Variants in BCAR1 observed in about 807,000 individuals in gnomAD.
BCAR1 encodes the protein BCAR1 scaffold protein, Cas family member, also known as breast cancer anti-estrogen resistance protein 1.
Under a neutral mutation model 67.6 loss-of-function variants are expected in BCAR1, and 30 were observed. That is an observed-to-expected ratio of 0.44 (90% CI 0.33 to 0.60). The LOEUF is 0.60. BCAR1 is among the 20% of genes least tolerant of loss of function. BCAR1 has a pLI of 0.02. For missense variants in BCAR1, 1,313 were observed against 1,222.3 expected, an observed-to-expected ratio of 1.07 and a Z score of -1.11; for synonymous variants, 626 against 556.7, an observed-to-expected ratio of 1.12 and a Z score of -1.75.
intron 1 of BCAR1, among the ~76,000 whole-genome samples, chr16:75,261,010 A>T (rs1288868484): frequency 6.6e-6 from 1 of 152,210 alleles, no homozygotes; most frequent in East Asian, 1.9e-4. Context: ...ATAATAAATT[A>T]AAATGACTGA....
At chr16:75,237,742 C>T (rs2077191673) in intron 2 of BCAR1, among the ~76,000 whole-genome samples, 2 of 152,202 alleles carry the variant, frequency 1.3e-5, no homozygotes, top group South Asian at 4.1e-4. Context: ...CCTAGCCCCA[C>T]AGGACAAGAG....
intron 1 of BCAR1, chr16:75,248,143 G>C (rs1313415007): frequency 7.5e-6 from 12 of 1,593,634 alleles, no homozygotes; most frequent in South Asian, 5.6e-5. Flanking sequence ...GCCGACCCCA[G>C]GCTGAGACAC....
rs2076818442 is a variant in BCAR1, at chr16:75,229,559, G to A, written c.2565C>T (p.His855=). Reference sequence around the variant, plus strand: ...GGACGCGGCGGAACTGCTGGGTGCTGTGGCCCAGCTCCTTGACCCTCTCCA... The same window carrying A: ...GGACGCGGCGGAACTGCTGGGTGCTATGGCCCAGCTCCTTGACCCTCTCCA... ...DMVERVKELG[H]STQQFRRVLG... Residue 855 remains histidine (H), a synonymous_variant, in exon 7 of 7, where the codon CAC becomes CAT. Coordinates refer to ENST00000162330, the MANE Select transcript of BCAR1 (RefSeq NM_014567.5). The A allele has an allele frequency of 6.2e-7, 1 of 1,606,184 alleles. No individual in the cohort carries two copies. Among genetic ancestry groups the A allele is most frequent in the Non-Finnish European group, 8.5e-7 (1 of 1,177,182 alleles).
chr16:75,235,048 C>A lies in BCAR1; in HGVS notation c.1851G>T (p.Gly617=), dbSNP rs199823639. The change falls in exon 5 of 7, where the codon GGG becomes GGT. Residue 617 remains glycine, a synonymous_variant. Coordinates refer to ENST00000162330, the MANE Select transcript of BCAR1 (RefSeq NM_014567.5). ...RTKATAPGPE[G]GGTLHPNPTD... Reference sequence around the variant, plus strand: ...TGGGGTTGGGGTGCAGGGTGCCACCCCCCTCAGGCCCCGGGGCAGTGGCCT... The same window carrying A: ...TGGGGTTGGGGTGCAGGGTGCCACCACCCTCAGGCCCCGGGGCAGTGGCCT... The A allele has an allele frequency of 9.3e-6, 15 of 1,613,220 alleles. No homozygotes were observed. Among genetic ancestry groups the A allele is most frequent in the Non-Finnish European group, 1.2e-5 (14 of 1,180,000 alleles).
At chr16:75,252,352 C>A, upstream of BCAR1, 4 of 1,529,028 alleles carry the variant, frequency 2.6e-6, no homozygotes, top group South Asian at 4.8e-5. Flanking sequence ...CCTCCTGAGT[C>A]CTGCTCCAAC....
rs2077059153 is a variant in BCAR1 at position 75,235,120 on chromosome 16, C to G, written c.1779G>C (p.Leu593=). The G allele has an allele frequency of 1.2e-6, 2 of 1,610,916 alleles. No homozygotes were observed. Among genetic ancestry groups the G allele is most frequent in the Non-Finnish European group, 1.7e-6 (2 of 1,179,998 alleles). Reference sequence around the variant, plus strand: ...AGGCATTGCCGTGCAGGAAGGAGGCCAGCTGCTTGGCGTCCTCGGGCACAG... The same window carrying G: ...AGGCATTGCCGTGCAGGAAGGAGGCGAGCTGCTTGGCGTCCTCGGGCACAG... ...SRAVPEDAKQ[L]ASFLHGNASL... is the part of the protein sequence containing the mutation. Residue 593 remains leucine, a synonymous_variant, in exon 5 of 7, where the codon CTG becomes CTC. Coordinates refer to ENST00000162330, the MANE Select transcript of BCAR1 (RefSeq NM_014567.5).
rs970824658 is a variant in BCAR1 at position 75,228,689 on chromosome 16, A to G, written c.*822T>C. On this transcript the variant is annotated 3_prime_UTR_variant, in exon 7 of 7. Coordinates refer to ENST00000162330, the MANE Select transcript of BCAR1 (RefSeq NM_014567.5). The stretch of plus-strand genomic sequence containing the variant: ...CTGCCCCAATCTGCCCTCACTCCAG[A>G]TGCCAGCTGTGGGCATGGGCAGGTG... 6.6e-6 allele frequency: 1 copy of G among 152,330 alleles called. No homozygotes were observed. Among genetic ancestry groups the G allele is most frequent in the African/African-American group, 2.4e-5 (1 of 41,456 alleles). The allele number at this position is 152,330 out of a possible 1,614,324, so 9.4% of individuals were successfully genotyped here. A position where few individuals can be genotyped will look rare whatever the true frequency, so the allele number is the denominator to read the frequency against.
In BCAR1 at chr16:75,251,561, G is replaced by A. The variant is rs2077680350; in HGVS notation, c.-79C>T. ...CCGGGCCGCGTGCCCTCGGGGCTCCGAGCGCGCCGCAGCCGCCCCGGTGCC... is the reference window on the plus strand; with the variant it reads ...CCGGGCCGCGTGCCCTCGGGGCTCCAAGCGCGCCGCAGCCGCCCCGGTGCC... On this transcript the variant is annotated 5_prime_UTR_variant, in exon 1 of 7. Coordinates refer to ENST00000162330, the MANE Select transcript of BCAR1 (RefSeq NM_014567.5). 1.8e-6 allele frequency: 2 copies of A among 1,129,388 alleles called. No homozygotes were observed. The highest frequency in any genetic ancestry group is 4.6e-5 in the East Asian group (1 of 21,868). 70.0% of individuals were successfully genotyped at this position (1,129,388 alleles called of 1,614,324 possible). A position where few individuals can be genotyped will look rare whatever the true frequency, so the allele number is the denominator to read the frequency against.
chr16:75,254,645 G>A (rs928840824), upstream of BCAR1, among the ~76,000 whole-genome samples: 1 of 152,228 alleles, frequency 6.6e-6, no homozygotes, highest in Non-Finnish European at 1.5e-5. Context: ...GAGGAGCTGG[G>A]AGAGGTTGTT....
chr16:75,234,731 C>G (rs1013552755), intron 5 of BCAR1, among the ~76,000 whole-genome samples, 158 bp downstream of exon 5: 1 of 152,230 alleles, frequency 6.6e-6, no homozygotes, highest in African/African-American at 2.4e-5. Context: ...ACATGGCCAC[C>G]CTAGCACATG....
upstream of BCAR1, among the ~76,000 whole-genome samples, chr16:75,254,614 A>G (rs1379444225): frequency 1.3e-5 from 2 of 152,336 alleles, no homozygotes; most frequent in East Asian, 3.9e-4. Context: ...ACTGGCAGCA[A>G]GGAGAGACGC....
intron 1 of BCAR1, among the ~76,000 whole-genome samples, chr16:75,251,167 G>A (rs1197649349): frequency 6.6e-6 from 1 of 152,116 alleles, no homozygotes; most frequent in Non-Finnish European, 1.5e-5. Flanking sequence ...TGACACAGCA[G>A]GCGGCCGTCG....
intron 6 of BCAR1, 23 bp from the exon 7 acceptor site, chr16:75,230,046 G>A: frequency 6.6e-7 from 1 of 1,518,208 alleles, no homozygotes. Context: ...GGAAGCAGGA[G>A]CAGGGTTAGG....
Position 75,236,999 on chromosome 16 carries a change from C to T in BCAR1, c.796-1G>A, listed in dbSNP as rs1310552608. 1 of 1,595,986 alleles carries T rather than the reference C, an allele frequency of 6.3e-7. No homozygotes were observed. The highest frequency in any genetic ancestry group is 1.7e-5 in the Admixed American group (1 of 58,974). On this transcript the variant is annotated splice_acceptor_variant, in intron 3 of 6. Coordinates refer to ENST00000162330, the MANE Select transcript of BCAR1 (RefSeq NM_014567.5). LOFTEE classifies it high-confidence loss of function. ...CAGCCATGGGGGGTGTGTCATACAC[C>T]TGGGGCAGAAACAGTGCAGGGTTAA... is the stretch of plus-strand genomic sequence containing the variant.
upstream of BCAR1, chr16:75,251,957 T>A (rs1270746092): frequency 1.7e-6 from 1 of 577,376 alleles, no homozygotes; most frequent in South Asian, 2.1e-5. Flanking sequence ...GCTGCCCGGT[T>A]TGCCTTCTTC....
chr16:75,263,572 C>G (rs564497771), intron 1 of BCAR1: 1 of 985,444 alleles, frequency 1.0e-6, no homozygotes, highest in East Asian at 1.1e-4. Context: ...AGCTGATCCC[C>G]GGCATCTCCC....
At chr16:75,266,713 C>T in intron 1 of BCAR1, 3 of 1,410,794 alleles carry the variant, frequency 2.1e-6, no homozygotes, top group Non-Finnish European at 2.8e-6. Context: ...AGATCCCTCA[C>T]CCACTCAAAG....
At chr16:75,233,072 C>T (rs935308208) in intron 6 of BCAR1, among the ~76,000 whole-genome samples, 1 of 152,132 alleles carries the variant, frequency 6.6e-6, no homozygotes, top group Admixed American at 6.5e-5. Flanking sequence ...ATAAACACAG[C>T]AGTATATTTA....
chr16:75,229,866 G>A lies in BCAR1; in HGVS notation c.2258C>T (p.Ala753Val), dbSNP rs767716177. ...LLLFYLEQCE[A>V]NLTTLTNAVD... ...GGCGTTGGTCAGTGTGGTCAGGTTG[G>A]CCTCACACTGCTCCAGGTAGAAGAG... is the stretch of plus-strand genomic sequence containing the variant. The change falls in exon 7 of 7, where the codon GCC becomes GTC. Residue 753 changes from alanine to valine, a missense_variant. Physicochemically the swap from Ala to Val is moderately conservative, Grantham distance 64. Coordinates refer to ENST00000162330, the MANE Select transcript of BCAR1 (RefSeq NM_014567.5). 21 of 1,613,116 alleles carry A rather than the reference G, an allele frequency of 1.3e-5. No individual in the cohort carries two copies. In the Admixed American group the frequency reaches 2.5e-4, roughly 19 times the overall value.
Sources: gnomAD v4.1 joint callset for allele counts (sites outside exome capture counted in the v4.1 genomes callset) on GRCh38, gnomAD v4.1.1 for gene constraint, MANE v1.5 for transcripts, NCBI Gene and HGNC (gene_info 2026-07-23, HGNC 2026-07-21) for gene names.